Variants in IL3RA observed in about 807,000 individuals in gnomAD.
The protein encoded by IL3RA is interleukin-3 receptor subunit alpha.
In IL3RA, 73 loss-of-function variants were observed where a neutral mutation model predicts 52.3. The ratio of observed to expected loss-of-function variants is 1.40; its 90% CI spans 1.16 to 1.70. IL3RA has a LOEUF of 1.70. Among genes scored for constraint, IL3RA ranks in the 40% most tolerant of loss-of-function variants. The pLI, the probability that IL3RA is intolerant of heterozygous loss-of-function variation, is 0.00. For synonymous variants in IL3RA, 260 were observed against 194.0 expected, an observed-to-expected ratio of 1.34 and a Z score of -2.83; for missense variants, 664 against 504.4, an observed-to-expected ratio of 1.32 and a Z score of -3.03.
intron 1 of IL3RA, among the ~76,000 whole-genome samples, 197 bp from the exon 2 acceptor site, chrX:1,341,531 G>C (rs17886070): frequency 0.065 from 5,824 of 89,316 alleles, 131 homozygotes; most frequent in Middle Eastern, 0.13. Context: ...CACACATGTA[G>C]AAGCACACTC....
chrX:1,381,023 G>T lies in IL3RA; in HGVS notation c.981G>T (p.Arg327Ser). 6.2e-7 allele frequency: 1 copy of T among 1,613,694 alleles called. No individual in the cohort carries two copies. The highest frequency in any genetic ancestry group is 8.5e-7 in the Non-Finnish European group (1 of 1,179,636). ...ALVCVFVICRRYLVMQRLFPR... is the reference protein window; with the variant it reads ...ALVCVFVICRSYLVMQRLFPR... ...CTGGGCCATTTCTCTTTCCTCCGAG[G>T]TATCTGGTGATGCAGAGACTCTTTC... The change falls in exon 11 of 12, where the codon AGG becomes AGT. Residue 327 changes from arginine (R) to serine (S), a missense_variant and splice_region_variant. Coordinates refer to ENST00000331035, the MANE Select transcript of IL3RA (RefSeq NM_002183.4).
intron 3 of IL3RA, among the ~76,000 whole-genome samples, chrX:1,347,835 G>A (rs766781284): frequency 2.0e-5 from 3 of 150,118 alleles, no homozygotes; most frequent in East Asian, 4.0e-4. Context: ...TCAGGAGATC[G>A]AGACCCTCCT....
chrX:1,348,661 T>TC, intron 4 of IL3RA, 116 bp downstream of exon 4: 2 of 444,946 alleles, frequency 4.5e-6, no homozygotes, highest in Middle Eastern at 5.8e-4. Flanking sequence ...TTTCTTTCTT[T>TC]CTTTCTTTCT....
At chrX:1,345,238 A>AAG in intron 2 of IL3RA, 78 bp from the exon 3 acceptor site, 1 of 927,526 alleles carries the variant, frequency 1.1e-6, no homozygotes, top group Non-Finnish European at 1.6e-6. Context: ...ACGGGCAAAA[A>AAG]AAAAAAACCA....
At chrX:1,341,987 C>A (rs1276913879) in intron 2 of IL3RA, among the ~76,000 whole-genome samples, 158 bp downstream of exon 2, 2 of 152,012 alleles carry the variant, frequency 1.3e-5, no homozygotes, top group East Asian at 3.9e-4. Context: ...TTCCCTGTAC[C>A]CGTCACCAAG....
rs181255995 is a variant in IL3RA at position 1,377,091 on chromosome X, A to G, written c.875-1568A>G. On this transcript the variant is annotated intron_variant, in intron 9 of 11. Coordinates refer to ENST00000331035, the MANE Select transcript of IL3RA (RefSeq NM_002183.4). ...AGGACACAGACACACACCAAGGGAC[A>G]ACCCTGTGGGACACGGAGAAGACGG... Among the ~76,000 whole-genome samples the G allele has an allele frequency of 4.1e-4, 46 of 111,244 alleles. No individual in the cohort carries two copies. In the East Asian group the frequency reaches 9.7e-3, roughly 24 times the overall value. 73.0% of individuals were successfully genotyped at this position (111,244 alleles called of 152,430 possible).
At chrX:1,345,141 C>G (rs2085682916) in intron 2 of IL3RA, among the ~76,000 whole-genome samples, 175 bp from the exon 3 acceptor site, 1 of 149,380 alleles carries the variant, frequency 6.7e-6, no homozygotes, top group Non-Finnish European at 1.5e-5. Flanking sequence ...GTAGTCCAGC[C>G]AGGGCGACAA....
intron 10 of IL3RA, 77 bp downstream of exon 10, chrX:1,378,841 G>A: frequency 7.7e-7 from 1 of 1,296,108 alleles, no homozygotes; most frequent in Non-Finnish European, 1.1e-6. Context: ...ACCATCCTGA[G>A]AATTATCATT....
At chrX:1,352,054 C>T (rs763490889) in intron 4 of IL3RA, 46 bp from the exon 5 acceptor site, 136 of 1,601,802 alleles carry the variant, frequency 8.5e-5, no homozygotes, top group African/African-American at 6.0e-4. Flanking sequence ...CGTGAGCCAC[C>T]GCGCCCGGTC....
chrX:1,347,623 A>G (rs1286983091), intron 3 of IL3RA, among the ~76,000 whole-genome samples: 3 of 151,676 alleles, frequency 2.0e-5, no homozygotes, highest in Non-Finnish European at 2.9e-5. Context: ...CTGTCTTAAC[A>G]AAAAAACAAA....
chrX:1,349,321 A>G (rs1389931519), intron 4 of IL3RA, among the ~76,000 whole-genome samples: 1 of 151,058 alleles, frequency 6.6e-6, no homozygotes, highest in Admixed American at 6.6e-5. Flanking sequence ...AGCTGGGATT[A>G]TAGGCGCCCA....
At position 1,348,511 on chromosome X, in the gene IL3RA, A is replaced by T. The variant is rs17879004; in HGVS notation, c.264A>T (p.Pro88=). Residue 88 remains proline (P), a synonymous_variant, in exon 4 of 12, where the codon CCA becomes CCT. Coordinates refer to ENST00000331035, the MANE Select transcript of IL3RA (RefSeq NM_002183.4). ...VTNYTVRVAN[P]PFSTWILFPE... is the part of the protein sequence containing the mutation. ...ACTACACCGTCCGAGTGGCCAACCCACCATTCTCCACGTGGATCCTCTTCC... is the reference window on the plus strand; with the variant it reads ...ACTACACCGTCCGAGTGGCCAACCCTCCATTCTCCACGTGGATCCTCTTCC... 1.7e-5 allele frequency: 28 copies of T among 1,613,554 alleles called. No individual in the cohort carries two copies. The highest frequency in any genetic ancestry group is 2.2e-5 in the Non-Finnish European group (26 of 1,179,624).
chrX:1,365,264 G>A lies in IL3RA; in HGVS notation c.874+12G>A, dbSNP rs1411885141. On this transcript the variant is annotated intron_variant, in intron 9 of 11. Transcript: ENST00000331035. ...CCCCCAGCGCTTCGGTGAGTGGGCTGTGCGGGGTGCGCGGGGTGAGCGGGG... is the reference window on the plus strand; with the variant it reads ...CCCCCAGCGCTTCGGTGAGTGGGCTATGCGGGGTGCGCGGGGTGAGCGGGG... The A allele has an allele frequency of 3.8e-6, 6 of 1,590,000 alleles. No individual in the cohort carries two copies. Among genetic ancestry groups the A allele is most frequent in the African/African-American group, 2.7e-5 (2 of 72,874 alleles).
Position 1,342,901 on chromosome X carries a change from C to T in IL3RA, c.64+1072C>T, listed in dbSNP as rs772774573. The stretch of plus-strand genomic sequence containing the variant: ...ACCAGCCTGACTAACACGGTGAAAC[C>T]CCGTCTCTACTAAAAATACAAAAAT... On this transcript the variant is annotated intron_variant, in intron 2 of 11. Coordinates refer to ENST00000331035, the MANE Select transcript of IL3RA (RefSeq NM_002183.4). Among the ~76,000 whole-genome samples, 32 of 151,502 alleles carry T rather than the reference C, an allele frequency of 2.1e-4. No homozygotes were observed. The South Asian group carries it at 5.4e-3, about 26-fold the overall frequency.
intron 2 of IL3RA, 64 bp downstream of exon 2, chrX:1,341,893 T>G: frequency 6.5e-7 from 1 of 1,535,270 alleles, no homozygotes; most frequent in East Asian, 2.2e-5. Context: ...AGACACACAA[T>G]GTCAGCGTGC....
At position 1,351,304 on chromosome X, in the gene IL3RA, A is replaced by C. The variant is rs1168757207; in HGVS notation, c.299-796A>C. On this transcript the variant is annotated intron_variant, in intron 4 of 11. Transcript: ENST00000331035. Reference sequence around the variant, plus strand: ...GTATCTACCATGGTCTCAAAATACAAAAGGCACTCTAAAAAGGAATTAGAG... The same window carrying C: ...GTATCTACCATGGTCTCAAAATACACAAGGCACTCTAAAAAGGAATTAGAG... 2.7e-5 allele frequency among the ~76,000 whole-genome samples: 4 copies of C among 150,660 alleles called. 1 individual carries two copies. Among genetic ancestry groups the C allele is most frequent in the Non-Finnish European group, 5.9e-5 (4 of 67,770 alleles).
In IL3RA at chrX:1,347,168, C is replaced by T. The variant is rs185572125; in HGVS notation, c.184-1263C>T. The stretch of plus-strand genomic sequence containing the variant: ...TTGCTATAAGAATACACAAGTAGGC[C>T]GGGCGTGGTGGCTCACGCCTGTCAT... On this transcript the variant is annotated intron_variant, in intron 3 of 11. Coordinates refer to ENST00000331035, the MANE Select transcript of IL3RA (RefSeq NM_002183.4). 2.3e-3 allele frequency among the ~76,000 whole-genome samples: 345 copies of T among 151,628 alleles called. 2 individuals carry two copies. The Middle Eastern group carries it at 0.024, about 11-fold the overall frequency.
chrX:1,377,538 C>T (rs1474726908), intron 9 of IL3RA, among the ~76,000 whole-genome samples: 41 of 152,082 alleles, frequency 2.7e-4, no homozygotes, highest in African/African-American at 8.7e-4. Flanking sequence ...CCACCGCGCC[C>T]GGCCAAATTC....
At chrX:1,348,692 T>TTCTTTCTTTCTTTC (rs1401190803) in intron 4 of IL3RA, 147 bp downstream of exon 4, 4 of 280,478 alleles carry the variant, frequency 1.4e-5, no homozygotes, top group Admixed American at 7.1e-5. Context: ...CTTTCTTTCT[T>TTCTTTCTTTCTTTC]TTTCTTTCTT....
Sources: gnomAD v4.1 joint callset for allele counts (sites outside exome capture counted in the v4.1 genomes callset) on GRCh38, gnomAD v4.1.1 for gene constraint, MANE v1.5 for transcripts, NCBI Gene and HGNC (gene_info 2026-07-23, HGNC 2026-07-21) for gene names.